GARRE1: variants seen among roughly 807,000 people sequenced by gnomAD.
GARRE1 encodes the protein granule associated Rac and RHOG effector protein 1.
GARRE1 carries 49 observed loss-of-function variants against 103.2 expected under a neutral mutation model. The observed-to-expected ratio is 0.47, with a 90% CI of 0.38 to 0.60. The LOEUF is 0.60. GARRE1 is among the 20% of genes least tolerant of loss of function. The pLI, the probability that GARRE1 is intolerant of heterozygous loss-of-function variation, is 0.00. For synonymous variants in GARRE1, 505 were observed against 532.8 expected (o/e 0.95, Z 0.72); for missense variants, 1,199 against 1,370.5 (o/e 0.87, Z 1.98).
chr19:34,336,523 A>G (rs1226738491), intron 8 of GARRE1, among the ~76,000 whole-genome samples: 1 of 148,994 alleles, frequency 6.7e-6, no homozygotes, highest in African/African-American at 2.5e-5. Context: ...ACTGGAGTGC[A>G]ATGGTGTTGT....
At chr19:34,278,584 G>T (rs535679962) in intron 1 of GARRE1, among the ~76,000 whole-genome samples, 4 of 151,932 alleles carry the variant, frequency 2.6e-5, no homozygotes, top group Non-Finnish European at 4.4e-5. Context: ...CATATATATG[G>T]AATCACACAG....
At chr19:34,271,310 G>A (rs1246390254) in intron 1 of GARRE1, among the ~76,000 whole-genome samples, 4 of 145,618 alleles carry the variant, frequency 2.7e-5, no homozygotes, top group South Asian at 2.1e-4. Flanking sequence ...GTGCTGTGGC[G>A]TGATCTTGGC....
intron 3 of GARRE1, among the ~76,000 whole-genome samples, chr19:34,327,154 CAAAAT>C (rs60648933): frequency 0.097 from 14,421 of 148,584 alleles, 1,093 homozygotes; most frequent in African/African-American, 0.21. Context: ...GACCTTGTCT[CAAAAT>C]AAAATAAAAT....
At chr19:34,278,351 C>T (rs12975032) in intron 1 of GARRE1, among the ~76,000 whole-genome samples, 116,916 of 150,680 alleles carry the variant, frequency 0.78, 45,876 homozygotes, top group African/African-American at 0.82. Context: ...GGCTGAGGCA[C>T]GAGAATTGCT....
rs760432288 is a variant in GARRE1 at position 34,342,364 on chromosome 19, G to A, written c.2430G>A (p.Pro810=). Residue 810 remains proline, a synonymous_variant, in exon 10 of 14, where the codon CCG becomes CCA. Transcript: ENST00000299505. ...NVMSEVLGQK[P]QGPRNNTWPN... ...TGTCAGAGGTTCTGGGACAGAAGCC[G>A]CAGGGACCTAGAAATAACACCTGGC... 21 of 1,614,058 alleles carry A rather than the reference G, an allele frequency of 1.3e-5. No homozygotes were observed. The Admixed American group carries it at 1.3e-4, about 10-fold the overall frequency.
Position 34,300,574 on chromosome 19 carries a change from T to C in GARRE1, c.101T>C (p.Met34Thr), listed in dbSNP as rs2073972642. The C allele has an allele frequency of 1.9e-6, 3 of 1,613,460 alleles. No individual in the cohort carries two copies. Among genetic ancestry groups the C allele is most frequent in the Non-Finnish European group, 1.7e-6 (2 of 1,180,044 alleles). Residue 34 changes from methionine (M) to threonine (T), a missense_variant, in exon 2 of 14, where the codon ATG (methionine) becomes ACG (threonine). Coordinates refer to ENST00000299505, the MANE Select transcript of GARRE1 (RefSeq NM_014686.5). Reference sequence around the variant, plus strand: ...GTGCAGCAGCACCAGCAATACCCGATGCCTGAGCTGGGCCGAGCACTGAGT... The same window carrying C: ...GTGCAGCAGCACCAGCAATACCCGACGCCTGAGCTGGGCCGAGCACTGAGT... The part of the protein sequence containing the change: ...QKVQQHQQYP[M>T]PELGRALSAP...
chr19:34,258,581 G>A (rs370503991), intron 1 of GARRE1, among the ~76,000 whole-genome samples: 6 of 152,092 alleles, frequency 3.9e-5, no homozygotes, highest in African/African-American at 1.4e-4. Context: ...TCAGGAGACC[G>A]AGACCATCTT....
intron 1 of GARRE1, among the ~76,000 whole-genome samples, chr19:34,260,303 G>A (rs1175572383): frequency 6.6e-6 from 1 of 152,112 alleles, no homozygotes; most frequent in African/African-American, 2.4e-5. Context: ...CAATGCGATT[G>A]CATACTTAAC....
intron 1 of GARRE1, among the ~76,000 whole-genome samples, chr19:34,273,208 A>G (rs985855723): frequency 6.6e-6 from 1 of 152,206 alleles, no homozygotes; most frequent in Non-Finnish European, 1.5e-5. Context: ...TGTCTTGAAA[A>G]TAAATAAATA....
chr19:34,270,109 T>C (rs1329214692), intron 1 of GARRE1, among the ~76,000 whole-genome samples: 1 of 152,232 alleles, frequency 6.6e-6, no homozygotes, highest in Non-Finnish European at 1.5e-5. Flanking sequence ...GTTTCTGCTT[T>C]GTGAACTTCC....
rs1170201719 is a variant in GARRE1, at chr19:34,307,736, TTATATATAC to T, written c.495+6778_495+6786del. ...ATATATACTATATATACATATATAC[TTATATATAC>T]TATATATACATATATAGTATATATA... On this transcript the variant is annotated intron_variant, in intron 2 of 13. Transcript: ENST00000299505. 1.2e-4 allele frequency among the ~76,000 whole-genome samples: 15 copies of T among 128,386 alleles called. No individual in the cohort carries two copies. The South Asian group carries it at 1.2e-3, about 10-fold the overall frequency. The allele number at this position is 128,386 out of a possible 152,430, so 84.2% of individuals were successfully genotyped here.
At position 34,347,881 on chromosome 19, in the gene GARRE1, C is replaced by T. The variant is rs147973180; in HGVS notation, c.2526C>T (p.Gly842=). 2.3e-5 allele frequency: 36 copies of T among 1,553,682 alleles called. No individual in the cohort carries two copies. The African/African-American group carries it at 2.8e-4, about 12-fold the overall frequency. ...TATTCCTTTGTCCCAATGCAGTGGG[C>T]TCAGACCCAGAGTTTGCACGCTATG... ...GEILPFDPAV[G]SDPEFARYVA... is the part of the protein sequence containing the mutation. Residue 842 remains glycine, a synonymous_variant, in exon 11 of 14, where the codon GGC becomes GGT. Coordinates refer to ENST00000299505, the MANE Select transcript of GARRE1 (RefSeq NM_014686.5).
intron 1 of GARRE1, among the ~76,000 whole-genome samples, chr19:34,297,025 G>A (rs553725200): frequency 4.6e-4 from 70 of 152,266 alleles, no homozygotes; most frequent in African/African-American, 1.6e-3. Flanking sequence ...GGTGGCTCAC[G>A]CCTGTAATTC....
At position 34,333,625 on chromosome 19, in the gene GARRE1, T is replaced by C. The variant is rs2074147053; in HGVS notation, c.1264-79T>C. The C allele has an allele frequency of 1.0e-5, 9 of 865,416 alleles. No homozygotes were observed. In the Middle Eastern group the frequency reaches 7.1e-4, roughly 68 times the overall value. 53.6% of individuals were successfully genotyped at this position (865,416 alleles called of 1,614,324 possible). ...GAATAGTTCTTAGAGAGTCATTTTA[T>C]GTATTGGATTTTATTCTGATTTGTT... On this transcript the variant is annotated intron_variant, in intron 7 of 13. Coordinates refer to ENST00000299505, the MANE Select transcript of GARRE1 (RefSeq NM_014686.5).
chr19:34,296,048 C>T (rs954219775), intron 1 of GARRE1, among the ~76,000 whole-genome samples: 4 of 152,102 alleles, frequency 2.6e-5, no homozygotes, highest in Admixed American at 2.6e-4. Flanking sequence ...CAGTATTTCA[C>T]TGCTTTGGTT....
intron 3 of GARRE1, among the ~76,000 whole-genome samples, chr19:34,322,064 G>T (rs537348556): frequency 2.8e-4 from 43 of 152,288 alleles, no homozygotes; most frequent in Non-Finnish European, 1.3e-4. Context: ...TCACTCTGGT[G>T]TGGCATTCTC....
At chr19:34,327,741 T>C (rs371644487) in intron 4 of GARRE1, 30 bp from the exon 5 acceptor site, 304 of 1,587,030 alleles carry the variant, frequency 1.9e-4, no homozygotes, top group Non-Finnish European at 2.6e-4. Flanking sequence ...TGCTTTACGA[T>C]CTTGATTGTT....
intron 12 of GARRE1, among the ~76,000 whole-genome samples, chr19:34,349,898 A>G (rs2074228610): frequency 6.6e-6 from 1 of 151,960 alleles, no homozygotes. Context: ...GCATTGACCA[A>G]TCACGAGCAC....
At chr19:34,278,501 C>T (rs2145219825) in intron 1 of GARRE1, among the ~76,000 whole-genome samples, 1 of 151,542 alleles carries the variant, frequency 6.6e-6, no homozygotes, top group South Asian at 2.1e-4. Context: ...CCCCATTTTC[C>T]CCTTCTCTCA....
Sources: allele counts gnomAD v4.1 joint callset (sites outside exome capture counted in the v4.1 genomes callset), GRCh38; gene constraint gnomAD v4.1.1; transcripts MANE v1.5; gene names NCBI Gene and HGNC (gene_info 2026-07-23, HGNC 2026-07-21).